Variants in HECW1 observed in about 807,000 individuals in gnomAD.
The protein encoded by HECW1 is HECT, C2 and WW domain containing E3 ubiquitin protein ligase 1.
Under a neutral mutation model 182.3 loss-of-function variants are expected in HECW1, and 61 were observed. That is an observed-to-expected ratio of 0.33 (90% CI 0.27 to 0.41). The LOEUF (loss-of-function observed/expected upper bound fraction) is 0.41. Ranked by LOEUF, HECW1 falls within the 10% of genes least tolerant of loss-of-function variation. The probability of loss-of-function intolerance (pLI) is 1.00; values close to 1 mark genes in which losing one functional copy is unlikely to be tolerated. For missense variants in HECW1, 1,739 were observed against 2,108.9 expected (o/e 0.82, Z 3.44); for synonymous variants, 859 against 832.6 (o/e 1.03, Z -0.55).
intron 3 of HECW1, among the ~76,000 whole-genome samples, chr7:43,255,903 T>G (rs1303159135): frequency 6.6e-6 from 1 of 152,222 alleles, no homozygotes; most frequent in African/African-American, 2.4e-5. Flanking sequence ...TTGTAGTTAA[T>G]TAGGTGAGAA....
intron 8 of HECW1, among the ~76,000 whole-genome samples, chr7:43,420,282 C>T (rs947590827): frequency 6.6e-6 from 1 of 152,098 alleles, no homozygotes; most frequent in African/African-American, 2.4e-5. Context: ...GAAGAGGAAC[C>T]TCTACTTTAC....
chr7:43,498,954 C>T (rs967822934), intron 19 of HECW1, among the ~76,000 whole-genome samples: 2 of 152,012 alleles, frequency 1.3e-5, no homozygotes, highest in African/African-American at 4.8e-5. Context: ...AAAGTTGTAC[C>T]TGCAGTATTT....
intron 8 of HECW1, among the ~76,000 whole-genome samples, chr7:43,409,281 A>G (rs903045241): frequency 2.0e-5 from 3 of 152,224 alleles, no homozygotes; most frequent in African/African-American, 7.2e-5. Flanking sequence ...AGAATGGAAT[A>G]ATGAATCTTA....
intron 5 of HECW1, among the ~76,000 whole-genome samples, chr7:43,334,089 G>T (rs1052492926): frequency 3.9e-5 from 6 of 152,218 alleles, no homozygotes; most frequent in Non-Finnish European, 7.3e-5. Context: ...CCAAGTCAAT[G>T]GTTGTGCATA....
intron 2 of HECW1, among the ~76,000 whole-genome samples, chr7:43,235,093 G>A (rs1211352983): frequency 1.3e-5 from 2 of 152,184 alleles, no homozygotes; most frequent in East Asian, 3.9e-4. Flanking sequence ...GCCAGCCAGA[G>A]CACACCTGGG....
chr7:43,274,492 T>A, intron 3 of HECW1: 1 of 610,722 alleles, frequency 1.6e-6, no homozygotes, highest in Non-Finnish European at 3.0e-6. Context: ...CCAGGCCCAC[T>A]GCATCCAGAT....
At chr7:43,173,548 G>A (rs1791901699) in intron 2 of HECW1, among the ~76,000 whole-genome samples, 1 of 152,328 alleles carries the variant, frequency 6.6e-6, no homozygotes, top group South Asian at 2.1e-4. Context: ...TTCCATCTCA[G>A]ATCATCAGGC....
At chr7:43,218,523 C>T (rs1206812659) in intron 2 of HECW1, among the ~76,000 whole-genome samples, 2 of 152,084 alleles carry the variant, frequency 1.3e-5, no homozygotes, top group Non-Finnish European at 2.9e-5. Context: ...TATGGCAGGG[C>T]AGAGGGAATG....
intron 11 of HECW1, among the ~76,000 whole-genome samples, chr7:43,450,364 C>T (rs377627246): frequency 1.3e-5 from 2 of 152,172 alleles, no homozygotes; most frequent in African/African-American, 4.8e-5. Context: ...GAAAAACAGC[C>T]TTTCGGCAGC....
rs371936990 is a variant in HECW1, at chr7:43,233,972, T to C, written c.-31-9903T>C. 1.4e-4 allele frequency among the ~76,000 whole-genome samples: 22 copies of C among 152,304 alleles called. 1 individual carries two copies. The highest frequency in any genetic ancestry group is 4.8e-4 in the African/African-American group (20 of 41,572). ...TACGGGAAAGATAAGATACTTCATA[T>C]CATCCAGAAATAAGCTTCATCGCAG... On this transcript the variant is annotated intron_variant, in intron 2 of 29. Coordinates refer to ENST00000395891, the MANE Select transcript of HECW1 (RefSeq NM_015052.5).
intron 6 of HECW1, among the ~76,000 whole-genome samples, chr7:43,386,808 A>G (rs2074818904): frequency 1.3e-5 from 2 of 152,136 alleles, no homozygotes; most frequent in Admixed American, 1.3e-4. Context: ...TGTAGAAGCT[A>G]ACAGAAGCTC....
chr7:43,565,105 A>T lies in HECW1; in HGVS notation c.*3179A>T. 1 of 197,198 alleles carries T rather than the reference A, an allele frequency of 5.1e-6. No homozygotes were observed. The highest frequency in any genetic ancestry group is 1.0e-5 in the Non-Finnish European group (1 of 95,264). 12.2% of individuals were successfully genotyped at this position (197,198 alleles called of 1,614,324 possible). On this transcript the variant is annotated 3_prime_UTR_variant, in exon 30 of 30. Transcript: ENST00000395891. Reference sequence around the variant, plus strand: ...GTTATAATAATTTCATGGATATCACAAATGTTTTATTCTACAGTGTGAAGA... The same window carrying T: ...GTTATAATAATTTCATGGATATCACTAATGTTTTATTCTACAGTGTGAAGA...
intron 2 of HECW1, among the ~76,000 whole-genome samples, chr7:43,211,892 T>A (rs1796039731): frequency 6.6e-6 from 1 of 152,238 alleles, no homozygotes; most frequent in South Asian, 2.1e-4. Context: ...TTGTGATGTT[T>A]GGAATTCTTC....
At chr7:43,315,734 TCCAC>T (rs1396305368) in intron 4 of HECW1, among the ~76,000 whole-genome samples, 1 of 152,132 alleles carries the variant, frequency 6.6e-6, no homozygotes, top group Non-Finnish European at 1.5e-5. Flanking sequence ...CCTCAGTTGA[TCCAC>T]CCACCTCGGC....
At chr7:43,281,420 A>G (rs1450736948) in intron 3 of HECW1, among the ~76,000 whole-genome samples, 1 of 152,216 alleles carries the variant, frequency 6.6e-6, no homozygotes, top group Non-Finnish European at 1.5e-5. Context: ...TTTTCAAACA[A>G]CTTTATCGTG....
chr7:43,561,821 C>T lies in HECW1; in HGVS notation c.4716C>T (p.His1572=), dbSNP rs1483113440. 2 of 1,610,634 alleles carry T rather than the reference C, an allele frequency of 1.2e-6. No homozygotes were observed. Among genetic ancestry groups the T allele is most frequent in the Non-Finnish European group, 1.7e-6 (2 of 1,176,892 alleles). The change falls in exon 30 of 30, where the codon CAC becomes CAT. Residue 1572 remains histidine (H), a synonymous_variant. Transcript: ENST00000395891. ...ATCTCTTCTCCCCATTCAGGGCACA[C>T]ACATGCTTCAACCGACTGGATCTTC... ...WGKITSLPRA[H]TCFNRLDLPP... is the part of the protein sequence containing the mutation.
In HECW1 at chr7:43,507,187, G is replaced by A; in HGVS notation, c.3682G>A (p.Glu1228Lys). 6 of 1,614,132 alleles carry A rather than the reference G, an allele frequency of 3.7e-6. No individual in the cohort carries two copies. Among genetic ancestry groups the A allele is most frequent in the Non-Finnish European group, 5.1e-6 (6 of 1,179,958 alleles). ...CCCTTCCCCCTACCGAAGAGACTTTGAGGCCAAGCTCCGCAATTTCTACAG... is the reference window on the plus strand; with the variant it reads ...CCCTTCCCCCTACCGAAGAGACTTTAAGGCCAAGCTCCGCAATTTCTACAG... ...RAPSPYRRDF[E>K]AKLRNFYRKL... Residue 1228 changes from glutamate (E) to lysine (K), a missense_variant, in exon 22 of 30, where the codon GAG becomes AAG. Glu to Lys is a moderately conservative substitution (Grantham distance 56). Coordinates refer to ENST00000395891, the MANE Select transcript of HECW1 (RefSeq NM_015052.5).
chr7:43,136,026 A>G (rs1411068072), intron 2 of HECW1, among the ~76,000 whole-genome samples: 1 of 138,840 alleles, frequency 7.2e-6, no homozygotes, highest in Non-Finnish European at 1.5e-5. Context: ...TCAAACTGTG[A>G]TTTTCCCCAA....
At chr7:43,114,570 C>T (rs1182237053) in intron 2 of HECW1, among the ~76,000 whole-genome samples, 179 bp downstream of exon 2, 1 of 152,200 alleles carries the variant, frequency 6.6e-6, no homozygotes, top group Non-Finnish European at 1.5e-5. Flanking sequence ...TTGCTGCTTC[C>T]TCTGGAATGT....
Sources: gnomAD v4.1 joint callset for allele counts (sites outside exome capture counted in the v4.1 genomes callset) on GRCh38, gnomAD v4.1.1 for gene constraint, MANE v1.5 for transcripts, NCBI Gene and HGNC (gene_info 2026-07-23, HGNC 2026-07-21) for gene names.